AP1AR: variants seen among roughly 807,000 people sequenced by gnomAD.
AP1AR encodes the protein adaptor related protein complex 1 associated regulatory protein.
In AP1AR, 29 loss-of-function variants were observed where a neutral mutation model predicts 46.3. That is an observed-to-expected ratio of 0.63 (90% CI 0.47 to 0.85). The LOEUF is 0.85. Among genes scored for constraint, AP1AR ranks in the 40% least tolerant of loss-of-function variants. The pLI is 0.00. For synonymous variants in AP1AR, 122 were observed against 122.9 expected, an observed-to-expected ratio of 0.99 and a Z score of 0.05; for missense variants, 357 against 356.3, an observed-to-expected ratio of 1.00 and a Z score of -0.02.
chr4:112,265,761 T>G lies in AP1AR; in HGVS notation c.468T>G (p.Ser156=), dbSNP rs373307429. 14 of 1,609,752 alleles carry G rather than the reference T, an allele frequency of 8.7e-6. No homozygotes were observed. The highest frequency in any genetic ancestry group is 1.2e-5 in the Non-Finnish European group (14 of 1,177,702). The stretch of plus-strand genomic sequence containing the variant: ...CAGGACCAGAAGATGACTTCGAATC[T>G]TGTTTGAGAAATATGAAGTCACAGT... The part of the protein sequence containing the change: ...QSSGPEDDFE[S]CLRNMKSQYE... The change falls in exon 8 of 10, where the codon TCT becomes TCG. Residue 156 remains serine, a synonymous_variant. Transcript: ENST00000274000.
At chr4:112,254,140 A>G (rs1356835133) in intron 2 of AP1AR, among the ~76,000 whole-genome samples, 1 of 152,222 alleles carries the variant, frequency 6.6e-6, no homozygotes, top group Non-Finnish European at 1.5e-5. Context: ...TTAAAATAAA[A>G]ACACTTTAGT....
chr4:112,259,223 G>C (rs1352770331), intron 4 of AP1AR, among the ~76,000 whole-genome samples: 8 of 152,192 alleles, frequency 5.3e-5, no homozygotes, highest in African/African-American at 1.4e-4. Flanking sequence ...ACCTTTGCTA[G>C]AGTTATTGGA....
chr4:112,241,221 T>C (rs1725483667), intron 1 of AP1AR, among the ~76,000 whole-genome samples: 1 of 152,180 alleles, frequency 6.6e-6, no homozygotes, highest in African/African-American at 2.4e-5. Context: ...TATTAAACAG[T>C]AAATATGATT....
chr4:112,247,832 G>C (rs578108557), intron 1 of AP1AR, among the ~76,000 whole-genome samples: 1 of 152,198 alleles, frequency 6.6e-6, no homozygotes, highest in Non-Finnish European at 1.5e-5. Flanking sequence ...TTTGTACTCT[G>C]TAGTGAAATA....
intron 6 of AP1AR, among the ~76,000 whole-genome samples, chr4:112,263,362 A>G (rs1455852235): frequency 1.3e-5 from 2 of 152,178 alleles, no homozygotes; most frequent in Non-Finnish European, 2.9e-5. Flanking sequence ...TTAGTGCTAT[A>G]AAATTCAGTA....
intron 1 of AP1AR, among the ~76,000 whole-genome samples, 188 bp downstream of exon 1, chr4:112,232,362 C>T (rs536634124): frequency 1.3e-5 from 2 of 152,292 alleles, no homozygotes; most frequent in East Asian, 1.9e-4. Flanking sequence ...TTGGGGCCTC[C>T]TCGGAAAGAG....
intron 1 of AP1AR, among the ~76,000 whole-genome samples, chr4:112,249,266 G>C (rs1725850144): frequency 6.6e-6 from 1 of 151,746 alleles, no homozygotes; most frequent in Non-Finnish European, 1.5e-5. Context: ...ACTCCAGCCT[G>C]GGCAACAAGA....
chr4:112,250,227 A>C (rs1725896862), intron 1 of AP1AR, among the ~76,000 whole-genome samples: 1 of 152,242 alleles, frequency 6.6e-6, no homozygotes, highest in Non-Finnish European at 1.5e-5. Flanking sequence ...GAAAGAACAG[A>C]AAATGCAGGA....
intron 1 of AP1AR, among the ~76,000 whole-genome samples, chr4:112,234,033 G>A (rs2110461664): frequency 6.6e-6 from 1 of 152,254 alleles, no homozygotes; most frequent in Non-Finnish European, 1.5e-5. Context: ...TAATTTTTTT[G>A]TATTTTTAGT....
chr4:112,242,221 C>G (rs1211098296), intron 1 of AP1AR, among the ~76,000 whole-genome samples: 1 of 152,202 alleles, frequency 6.6e-6, no homozygotes, highest in Non-Finnish European at 1.5e-5. Flanking sequence ...ATCTTGAAAT[C>G]TACCTTGAGA....
chr4:112,248,684 A>G (rs1725822906), intron 1 of AP1AR, among the ~76,000 whole-genome samples: 1 of 152,194 alleles, frequency 6.6e-6, no homozygotes, highest in African/African-American at 2.4e-5. Context: ...GCTAAAGACA[A>G]AAATCTCTTC....
At chr4:112,241,032 TCC>T (rs1725474945) in intron 1 of AP1AR, among the ~76,000 whole-genome samples, 6 of 152,148 alleles carry the variant, frequency 3.9e-5, no homozygotes, top group Admixed American at 3.3e-4. Flanking sequence ...ACCTCTAAGG[TCC>T]CTTCTCATTA....
rs1457349574 is a variant in AP1AR, at chr4:112,232,118, C to CCAA, written c.27_28insCAA (p.Cys9_Phe10insGln). The stretch of plus-strand genomic sequence containing the variant: ...TGGGGAACTGCTGCTGGACGCAGTG[C>CCAA]TTCGGACTGCTTCGCAAGGAAGCGG... On this transcript the variant is annotated inframe_insertion, in exon 1 of 10. Transcript: ENST00000274000. 1 of 1,300,968 alleles carries CCAA rather than the reference C, an allele frequency of 7.7e-7. No individual in the cohort carries two copies. Among genetic ancestry groups the CCAA allele is most frequent in the African/African-American group, 1.5e-5 (1 of 65,124 alleles). 80.6% of individuals were successfully genotyped at this position (1,300,968 alleles called of 1,614,324 possible).
intron 1 of AP1AR, among the ~76,000 whole-genome samples, chr4:112,242,822 A>T (rs1391096390): frequency 6.6e-6 from 1 of 152,184 alleles, no homozygotes; most frequent in African/African-American, 2.4e-5. Flanking sequence ...TCACATCTTC[A>T]GTAGTAGTAG....
At chr4:112,237,327 C>T (rs571655193) in intron 1 of AP1AR, among the ~76,000 whole-genome samples, 3 of 152,072 alleles carry the variant, frequency 2.0e-5, no homozygotes, top group East Asian at 1.9e-4. Flanking sequence ...AGGCTGGTCT[C>T]GAACTCCTGA....
In AP1AR at chr4:112,233,076, A is replaced by G. The variant is rs529875342; in HGVS notation, c.83+902A>G. On this transcript the variant is annotated intron_variant, in intron 1 of 9. Coordinates refer to ENST00000274000, the MANE Select transcript of AP1AR (RefSeq NM_018569.6). ...TAGAATTGAAAATCTGAACCAAGCC[A>G]GTTTGTGTAAGGACTAAGACTGTTT... is the stretch of plus-strand genomic sequence containing the variant. 2.7e-4 allele frequency among the ~76,000 whole-genome samples: 41 copies of G among 152,362 alleles called. 1 individual carries two copies. The South Asian group carries it at 8.5e-3, about 32-fold the overall frequency.
chr4:112,251,000 A>G (rs999465186), intron 1 of AP1AR, among the ~76,000 whole-genome samples: 3 of 152,212 alleles, frequency 2.0e-5, no homozygotes, highest in African/African-American at 4.8e-5. Flanking sequence ...AGGTTTCTCA[A>G]CTAATAACCA....
chr4:112,263,790 C>T (rs923931896), intron 6 of AP1AR, among the ~76,000 whole-genome samples: 9 of 152,154 alleles, frequency 5.9e-5, no homozygotes, highest in Non-Finnish European at 1.3e-4. Context: ...TTTTTAATCC[C>T]TGTTTTACAA....
chr4:112,259,400 C>G (rs1253168226), intron 4 of AP1AR, among the ~76,000 whole-genome samples: 1 of 152,200 alleles, frequency 6.6e-6, no homozygotes, highest in African/African-American at 2.4e-5. Context: ...CTTAATCTGT[C>G]TTCGTTTCAC....
Sources: gnomAD v4.1 joint callset for allele counts (sites outside exome capture counted in the v4.1 genomes callset) on GRCh38, gnomAD v4.1.1 for gene constraint, MANE v1.5 for transcripts, NCBI Gene and HGNC (gene_info 2026-07-23, HGNC 2026-07-21) for gene names.